ST3GAL6: variants seen among roughly 807,000 people sequenced by gnomAD.
ST3GAL6 encodes type 2 lactosamine alpha-2,3-sialyltransferase.
In ST3GAL6, 31 loss-of-function variants were observed where a neutral mutation model predicts 40.5. That is an observed-to-expected ratio of 0.77 (90% CI 0.58 to 1.03). The LOEUF (loss-of-function observed/expected upper bound fraction) is 1.03, where lower values mean the gene tolerates loss of function less well. Ranked by LOEUF, ST3GAL6 falls within the 50% of genes least tolerant of loss-of-function variation. The pLI is 0.00. For missense variants in ST3GAL6, 357 were observed against 393.2 expected (o/e 0.91, Z 0.78); for synonymous variants, 129 against 136.9 (o/e 0.94, Z 0.40).
At chr3:98,745,751 G>A (rs1409215991) in intron 1 of ST3GAL6, among the ~76,000 whole-genome samples, 1 of 152,186 alleles carries the variant, frequency 6.6e-6, no homozygotes, top group African/African-American at 2.4e-5. Context: ...ATACTGGGAA[G>A]TATTTTGCCC....
rs145241476 is a variant in ST3GAL6, at chr3:98,774,068, A to G, written c.335+85A>G. ...ATGTACCCCAAGAAATGTAAGATGTATTTACTCAGGAAAATTTCATAGCGT... is the reference window on the plus strand; with the variant it reads ...ATGTACCCCAAGAAATGTAAGATGTGTTTACTCAGGAAAATTTCATAGCGT... On this transcript the variant is annotated intron_variant, in intron 5 of 9. Coordinates refer to ENST00000483910, the MANE Select transcript of ST3GAL6 (RefSeq NM_001323368.2). 6 of 1,148,710 alleles carry G rather than the reference A, an allele frequency of 5.2e-6. No individual in the cohort carries two copies. In the East Asian group the frequency reaches 1.4e-4, roughly 27 times the overall value. 71.2% of individuals were successfully genotyped at this position (1,148,710 alleles called of 1,614,324 possible). A position where few individuals can be genotyped will look rare whatever the true frequency, so the allele number is the denominator to read the frequency against.
intron 1 of ST3GAL6, among the ~76,000 whole-genome samples, chr3:98,734,349 A>G (rs778918615): frequency 9.2e-5 from 14 of 152,208 alleles, no homozygotes; most frequent in Non-Finnish European, 1.2e-4. Context: ...CGATGCCCTT[A>G]GACTGTTATT....
In ST3GAL6 at chr3:98,755,199, A is replaced by T. The variant is rs1163308430; in HGVS notation, c.-11-13231A>T. 2.6e-5 allele frequency among the ~76,000 whole-genome samples: 4 copies of T among 152,052 alleles called. No individual in the cohort carries two copies. The East Asian group carries it at 7.7e-4, about 29-fold the overall frequency. ...GTAGCTGGGACTACAGGTGCCTGCC[A>T]CCGCGCCTGACTGATTTTTTGTCTT... On this transcript the variant is annotated intron_variant, in intron 1 of 9. Transcript: ENST00000265261.
chr3:98,782,737 T>A (rs1021808066), intron 5 of ST3GAL6: 2 of 496,532 alleles, frequency 4.0e-6, no homozygotes, highest in Non-Finnish European at 8.0e-6. Context: ...TGTCCATAGA[T>A]CATGTTCAGC....
rs546310070 is a variant in ST3GAL6, at chr3:98,768,204, T to C, written c.-11-226T>C. Among the ~76,000 whole-genome samples, 22 of 152,346 alleles carry C rather than the reference T, an allele frequency of 1.4e-4. No individual in the cohort carries two copies. The South Asian group carries it at 4.6e-3, about 32-fold the overall frequency. On this transcript the variant is annotated intron_variant, in intron 1 of 9. Coordinates refer to ENST00000483910, the MANE Select transcript of ST3GAL6 (RefSeq NM_001323368.2). ...CCTTTGAGACCGTGGAACTGTTTAT[T>C]GGCCTAAACATACATTATGTTGTGC...
chr3:98,774,126 G>GGTATATAAAT, intron 5 of ST3GAL6, 143 bp downstream of exon 5: 1 of 627,178 alleles, frequency 1.6e-6, no homozygotes, highest in Non-Finnish European at 2.8e-6. Context: ...GTAGTAATTT[G>GGTATATAAAT]ACACTTAAAT....
chr3:98,753,582 C>A (rs775047446), intron 1 of ST3GAL6, among the ~76,000 whole-genome samples: 2 of 152,230 alleles, frequency 1.3e-5, no homozygotes, highest in Admixed American at 6.5e-5. Flanking sequence ...GGCTGGCTCA[C>A]CCTCTTGTTA....
At chr3:98,754,086 A>C (rs1294296513) in intron 1 of ST3GAL6, among the ~76,000 whole-genome samples, 1 of 152,198 alleles carries the variant, frequency 6.6e-6, no homozygotes, top group Non-Finnish European at 1.5e-5. Flanking sequence ...TAGTTTGTAA[A>C]GCTCTAGGTG....
chr3:98,766,074 G>A (rs1012950279), intron 1 of ST3GAL6, among the ~76,000 whole-genome samples: 2 of 152,158 alleles, frequency 1.3e-5, no homozygotes, highest in South Asian at 2.1e-4. Flanking sequence ...TTCAGGTGGC[G>A]TGTGCAGTAG....
intron 5 of ST3GAL6, among the ~76,000 whole-genome samples, chr3:98,780,689 C>G (rs1358763279): frequency 6.6e-6 from 1 of 152,082 alleles, no homozygotes; most frequent in African/African-American, 2.4e-5. Context: ...TTTTTCTTGG[C>G]TTATAGGGTA....
chr3:98,775,012 A>C (rs1431424332), intron 5 of ST3GAL6, among the ~76,000 whole-genome samples: 1 of 152,194 alleles, frequency 6.6e-6, no homozygotes, highest in African/African-American at 2.4e-5. Flanking sequence ...GATTTGTAGA[A>C]TATTGTTTTT....
At chr3:98,733,338 C>A in intron 1 of ST3GAL6, 1 of 1,132,828 alleles carries the variant, frequency 8.8e-7, no homozygotes, top group Non-Finnish European at 1.1e-6. Context: ...CCGTGGGGGC[C>A]GAGAGAATCT....
chr3:98,750,944 C>A (rs1936963374), intron 1 of ST3GAL6, among the ~76,000 whole-genome samples: 1 of 152,136 alleles, frequency 6.6e-6, no homozygotes, highest in Non-Finnish European at 1.5e-5. Flanking sequence ...TGTCTTGTTT[C>A]CTTCCTTGAT....
At chr3:98,770,845 C>T (rs375221756) in intron 2 of ST3GAL6, 34 bp from the exon 3 acceptor site, 7 of 1,601,566 alleles carry the variant, frequency 4.4e-6, no homozygotes, top group Non-Finnish European at 6.0e-6. Context: ...GTGCCCGATT[C>T]TGGTTTCTGA....
chr3:98,766,405 CTTTTTTTTTTTTTTTTTTT>C (rs369996406), intron 1 of ST3GAL6, among the ~76,000 whole-genome samples: 21 of 104,088 alleles, frequency 2.0e-4, no homozygotes, highest in African/African-American at 2.1e-4. Flanking sequence ...AAATGTCATT[CTTTTTTTTTTTTTTTTTTT>C]TTTTTTTTTT....
chr3:98,766,917 A>G (rs1938414910), intron 1 of ST3GAL6, among the ~76,000 whole-genome samples: 1 of 152,202 alleles, frequency 6.6e-6, no homozygotes, highest in South Asian at 2.1e-4. Context: ...TAGGGTCCCC[A>G]CACCATATGT....
chr3:98,758,308 A>T (rs1191324449), intron 1 of ST3GAL6, among the ~76,000 whole-genome samples: 1 of 152,196 alleles, frequency 6.6e-6, no homozygotes, highest in Non-Finnish European at 1.5e-5. Context: ...AATCCTTCTC[A>T]ACATTATAAT....
intron 1 of ST3GAL6, among the ~76,000 whole-genome samples, chr3:98,745,325 C>T (rs745466747): frequency 1.3e-5 from 2 of 152,174 alleles, no homozygotes; most frequent in African/African-American, 2.4e-5. Context: ...TGAGCCACTG[C>T]GCCTGTGAAC....
chr3:98,741,498 A>C (rs541201470), intron 1 of ST3GAL6, among the ~76,000 whole-genome samples: 1 of 152,240 alleles, frequency 6.6e-6, no homozygotes, highest in African/African-American at 2.4e-5. Context: ...CTGAGACATG[A>C]AACTGCCAAG....
Sources: allele counts gnomAD v4.1 joint callset (sites outside exome capture counted in the v4.1 genomes callset), GRCh38; gene constraint gnomAD v4.1.1; transcripts MANE v1.5; gene names NCBI Gene and HGNC (gene_info 2026-07-23, HGNC 2026-07-21).